Variants in SPINK5 observed in about 807,000 individuals in gnomAD.
SPINK5 encodes serine protease inhibitor Kazal-type 5.
Under a neutral mutation model 151.8 loss-of-function variants are expected in SPINK5, and 125 were observed. The observed-to-expected ratio is 0.82, with a 90% confidence interval of 0.71 to 0.96. SPINK5 has a LOEUF of 0.96. SPINK5 is among the 40% of genes least tolerant of loss of function. The pLI, the probability that SPINK5 is intolerant of heterozygous loss-of-function variation, is 0.00. For synonymous variants in SPINK5, 374 were observed against 395.3 expected, an observed-to-expected ratio of 0.95 and a Z score of 0.64; for missense variants, 1,194 against 1,291.9, an observed-to-expected ratio of 0.92 and a Z score of 1.16.
rs139566903 is a variant in SPINK5 at position 148,070,772 on chromosome 5, CA to C, written c.209+325del. 0.034 allele frequency among the ~76,000 whole-genome samples: 5,143 copies of C among 152,112 alleles called. 149 individuals are homozygous for C. The highest frequency in any genetic ancestry group is 0.12 in the East Asian group (637 of 5,116). On this transcript the variant is annotated intron_variant, in intron 3 of 32. Coordinates refer to ENST00000256084, the MANE Select transcript of SPINK5 (RefSeq NM_006846.4). ...TGGTTTTGGAAAAAAATGAATTTGA[CA>C]AAGAAAGTCAGATTCCTTGGGCCTG...
At chr5:148,107,377 A>G (rs1753810961) in intron 17 of SPINK5, among the ~76,000 whole-genome samples, 1 of 152,168 alleles carries the variant, frequency 6.6e-6, no homozygotes, top group South Asian at 2.1e-4. Context: ...AAGTCAAGGG[A>G]AAAAGCTCAA....
chr5:148,089,834 A>G (rs1158028059), intron 7 of SPINK5, among the ~76,000 whole-genome samples: 1 of 151,856 alleles, frequency 6.6e-6, no homozygotes, highest in East Asian at 1.9e-4. Context: ...TGGTCATGTT[A>G]GTTATTAAAT....
At chr5:148,127,405 A>T (rs768248561) in intron 30 of SPINK5, among the ~76,000 whole-genome samples, 5 of 152,092 alleles carry the variant, frequency 3.3e-5, no homozygotes, top group Non-Finnish European at 7.4e-5. Flanking sequence ...ATTTTAGCAT[A>T]CCTCTTGGTA....
intron 8 of SPINK5, among the ~76,000 whole-genome samples, chr5:148,092,298 T>A (rs1411622521): frequency 6.6e-6 from 1 of 151,968 alleles, no homozygotes; most frequent in Non-Finnish European, 1.5e-5. Flanking sequence ...AATAGGGTAT[T>A]GAAGGTTTAC....
At chr5:148,106,540 T>C (rs1031348793) in intron 16 of SPINK5, among the ~76,000 whole-genome samples, 3 of 151,992 alleles carry the variant, frequency 2.0e-5, no homozygotes, top group African/African-American at 7.3e-5. Flanking sequence ...GTTTTGCTAT[T>C]GTGTCCAGGC....
At chr5:148,133,747 T>C (rs1236230864) in intron 31 of SPINK5, 50 bp from the exon 32 acceptor site, 1 of 1,583,448 alleles carries the variant, frequency 6.3e-7, no homozygotes, top group African/African-American at 1.4e-5. Flanking sequence ...TATTTTCTTA[T>C]TATAACTGAG....
At chr5:148,124,988 G>A in intron 28 of SPINK5, 151 bp downstream of exon 28, 1 of 1,205,900 alleles carries the variant, frequency 8.3e-7, no homozygotes, top group Non-Finnish European at 1.1e-6. Context: ...ATCATAACAA[G>A]ATTTTTGGGG....
chr5:148,130,691 G>A (rs145060578), intron 30 of SPINK5, among the ~76,000 whole-genome samples: 26 of 152,204 alleles, frequency 1.7e-4, no homozygotes, highest in East Asian at 5.8e-4. Flanking sequence ...CAGATACTGC[G>A]TTAAGCATGA....
rs371745897 is a variant in SPINK5, at chr5:148,100,526, C to G, written c.1165C>G (p.Gln389Glu). ...LACTRENDPI[Q>E]GPDGKVHGNT... ...TTGCACCAGAGAGAACGATCCTATC[C>G]AGGGCCCAGATGGGAAAGTGCATGG... The change falls in exon 13 of 33, where the codon CAG becomes GAG. Residue 389 changes from glutamine to glutamate, a missense_variant. Transcript: ENST00000256084. 31 of 1,613,136 alleles carry G rather than the reference C, an allele frequency of 1.9e-5. No homozygotes were observed. The African/African-American group carries it at 3.3e-4, about 17-fold the overall frequency.
intron 20 of SPINK5, among the ~76,000 whole-genome samples, chr5:148,114,002 T>C (rs1754015021): frequency 6.6e-6 from 1 of 152,210 alleles, no homozygotes; most frequent in Non-Finnish European, 1.5e-5. Flanking sequence ...AAATACAAAA[T>C]CAATTGTAAT....
At chr5:148,113,009 T>C (rs1023044779) in intron 20 of SPINK5, 75 bp downstream of exon 20, 3 of 1,587,248 alleles carry the variant, frequency 1.9e-6, no homozygotes, top group Non-Finnish European at 2.6e-6. Flanking sequence ...AACTATGGAA[T>C]TACTGAAACC....
rs763649250 is a variant in SPINK5, at chr5:148,086,434, AAG to A, written c.316_317del (p.Asp106TrpfsTer7). ...ATTGTGATGATTTTAAAAAAGGAGA[AAG>A]AGATGGGGATTTTATCTGTCCTGAT... ...LNCDDFKKGE[R>X]DGDFICPDYY... On this transcript the variant is annotated frameshift_variant, in exon 5 of 33. Transcript: ENST00000256084. LOFTEE classifies it high-confidence loss of function. 1.7e-5 allele frequency: 28 copies of A among 1,611,402 alleles called. No individual in the cohort carries two copies. The highest frequency in any genetic ancestry group is 2.2e-5 in the Non-Finnish European group (26 of 1,178,558).
At position 148,112,014 on chromosome 5, in the gene SPINK5, C is replaced by T. The variant is rs2287766; in HGVS notation, c.1820+119C>T. The T allele has an allele frequency of 0.11, 167,204 of 1,481,976 alleles. 13,843 individuals carry two copies. Among genetic ancestry groups the T allele is most frequent in the East Asian group, 0.31 (13,527 of 43,848 alleles). 91.8% of individuals were successfully genotyped at this position (1,481,976 alleles called of 1,614,324 possible). On this transcript the variant is annotated intron_variant, in intron 19 of 32. Transcript: ENST00000256084. ...ATAGATAATAAAGGCTGTCTTTGCA[C>T]TGAGTTTGGAAATTTACTATTATAA...
intron 4 of SPINK5, 95 bp downstream of exon 4, chr5:148,072,315 G>T: frequency 7.5e-7 from 1 of 1,329,952 alleles, no homozygotes; most frequent in Non-Finnish European, 1.1e-6. Flanking sequence ...GGTCATACCT[G>T]TTTTGAAGCC....
intron 30 of SPINK5, among the ~76,000 whole-genome samples, chr5:148,128,685 C>T (rs912892915): frequency 4.6e-5 from 7 of 152,022 alleles, no homozygotes; most frequent in Non-Finnish European, 8.8e-5. Flanking sequence ...CCCGCCACCA[C>T]GCTAATTTTT....
chr5:148,125,475 A>C (rs1170491902), intron 28 of SPINK5: 1 of 1,548,030 alleles, frequency 6.5e-7, no homozygotes, highest in Admixed American at 1.8e-5. Flanking sequence ...GGGAGAAAAA[A>C]ACAGGAAGGT....
In SPINK5 at chr5:148,095,896, A is replaced by G. The variant is rs1356342623; in HGVS notation, c.873A>G (p.Arg291=). Residue 291 remains arginine, a synonymous_variant, in exon 10 of 33, where the codon AGA becomes AGG. Transcript: ENST00000256084. ...GKAEEKTKVK[R]EIVKLCSQYQ... is the part of the protein sequence containing the mutation. Reference sequence around the variant, plus strand: ...CTGAAGAAAAAACTAAAGTTAAAAGAGAAATTGTGGTGAGAATCAGTTTGA... The same window carrying G: ...CTGAAGAAAAAACTAAAGTTAAAAGGGAAATTGTGGTGAGAATCAGTTTGA... 5.6e-6 allele frequency: 9 copies of G among 1,611,500 alleles called. No homozygotes were observed. The highest frequency in any genetic ancestry group is 7.6e-6 in the Non-Finnish European group (9 of 1,178,294).
chr5:148,089,066 C>A, intron 6 of SPINK5: 1 of 461,248 alleles, frequency 2.2e-6, no homozygotes, highest in Non-Finnish European at 4.3e-6. Context: ...GAAAGGATCT[C>A]ATACATGTCA....
chr5:148,092,143 C>G (rs1439823128), intron 8 of SPINK5, among the ~76,000 whole-genome samples: 1 of 151,900 alleles, frequency 6.6e-6, no homozygotes, highest in Non-Finnish European at 1.5e-5. Flanking sequence ...ATCCTGCACA[C>G]TTTTGTACTA....
Sources: allele counts gnomAD v4.1 joint callset (sites outside exome capture counted in the v4.1 genomes callset), GRCh38; gene constraint gnomAD v4.1.1; transcripts MANE v1.5; gene names NCBI Gene and HGNC (gene_info 2026-07-23, HGNC 2026-07-21).